GRIP1: variants seen among roughly 807,000 people sequenced by gnomAD.
GRIP1 encodes the protein glutamate receptor-interacting protein 1.
Under a neutral mutation model 129.9 loss-of-function variants are expected in GRIP1, and 45 were observed. That is an observed-to-expected ratio of 0.35 (90% CI 0.27 to 0.44). The LOEUF is 0.44. GRIP1 is among the 20% of genes least tolerant of loss of function. GRIP1 has a pLI of 1.00. For synonymous variants in GRIP1, 530 were observed against 520.8 expected (o/e 1.02, Z -0.24); for missense variants, 1,196 against 1,396.8 (o/e 0.86, Z 2.29).
At chr12:66,632,123 A>G (rs1187576460) in intron 1 of GRIP1, among the ~76,000 whole-genome samples, 1 of 152,176 alleles carries the variant, frequency 6.6e-6, no homozygotes, top group African/African-American at 2.4e-5. Context: ...CAGCAAGTCA[A>G]GAGTGGCCCC....
At chr12:66,834,619 C>T (rs150522386) in intron 1 of GRIP1, among the ~76,000 whole-genome samples, 113 of 152,252 alleles carry the variant, frequency 7.4e-4, no homozygotes, top group African/African-American at 2.5e-3. Context: ...CTGCTTCAAA[C>T]GTACTTTAAA....
At chr12:66,736,009 A>G (rs2036583768) in intron 1 of GRIP1, among the ~76,000 whole-genome samples, 1 of 152,158 alleles carries the variant, frequency 6.6e-6, no homozygotes, top group Admixed American at 6.5e-5. Context: ...GAAGAAGAGA[A>G]GGTGAACATA....
intron 1 of GRIP1, among the ~76,000 whole-genome samples, chr12:66,605,610 C>A (rs539184958): frequency 5.9e-5 from 9 of 152,198 alleles, no homozygotes; most frequent in African/African-American, 2.2e-4. Context: ...GAGAAATTAG[C>A]CTTTAATGCT....
chr12:66,696,496 T>C (rs893023473), intron 1 of GRIP1, among the ~76,000 whole-genome samples: 3 of 151,864 alleles, frequency 2.0e-5, no homozygotes, highest in Non-Finnish European at 4.4e-5. Flanking sequence ...TTAAAAAGAA[T>C]TATGGTTAGG....
chr12:66,445,282 C>A, intron 12 of GRIP1, 40 bp downstream of exon 12: 1 of 1,533,796 alleles, frequency 6.5e-7, no homozygotes, highest in Non-Finnish European at 9.0e-7. Context: ...GTACCAGAAA[C>A]GCAGAGCAGA....
At chr12:66,738,351 C>G (rs1196127790) in intron 1 of GRIP1, among the ~76,000 whole-genome samples, 4 of 151,896 alleles carry the variant, frequency 2.6e-5, no homozygotes, top group Non-Finnish European at 4.4e-5. Flanking sequence ...TCCCAAGTAG[C>G]TGGGACCACA....
chr12:66,511,731 A>G (rs1301675397), intron 7 of GRIP1, among the ~76,000 whole-genome samples: 3 of 152,202 alleles, frequency 2.0e-5, no homozygotes, highest in Non-Finnish European at 2.9e-5. Flanking sequence ...CCATCTTGCC[A>G]TGACATAGGA....
intron 1 of GRIP1, among the ~76,000 whole-genome samples, chr12:66,651,692 G>T (rs1904540): frequency 0.98 from 149,570 of 152,268 alleles, 73,518 homozygotes; most frequent in East Asian, 1. Flanking sequence ...TAAGTAGAAT[G>T]TGACAATACT....
At chr12:66,744,744 C>T (rs934013477) in intron 1 of GRIP1, among the ~76,000 whole-genome samples, 3 of 152,106 alleles carry the variant, frequency 2.0e-5, no homozygotes, top group South Asian at 2.1e-4. Flanking sequence ...AACCCAGTGC[C>T]GCCCAGCCTT....
chr12:66,616,267 A>G (rs533871757), intron 1 of GRIP1, among the ~76,000 whole-genome samples: 1 of 152,172 alleles, frequency 6.6e-6, no homozygotes, highest in South Asian at 2.1e-4. Context: ...TTTTTTAAAT[A>G]AAAAAATACT....
At chr12:66,653,103 C>T (rs1258950036) in intron 1 of GRIP1, among the ~76,000 whole-genome samples, 1 of 152,138 alleles carries the variant, frequency 6.6e-6, no homozygotes, top group South Asian at 2.1e-4. Context: ...GGCTTTGTTG[C>T]TCTTGGTAAG....
intron 1 of GRIP1, among the ~76,000 whole-genome samples, chr12:67,045,917 G>A (rs1207514939): frequency 6.6e-6 from 1 of 152,208 alleles, no homozygotes; most frequent in African/African-American, 2.4e-5. Flanking sequence ...CACTGGCTGG[G>A]CCTGAGAAGG....
rs529858981 is a variant in GRIP1, at chr12:66,469,689, AG to A, written c.725-4268del. Among the ~76,000 whole-genome samples, 10 of 152,340 alleles carry A rather than the reference AG, an allele frequency of 6.6e-5. No individual in the cohort carries two copies. In the East Asian group the frequency reaches 1.9e-3, roughly 29 times the overall value. On this transcript the variant is annotated intron_variant, in intron 7 of 24. Coordinates refer to ENST00000359742, the MANE Select transcript of GRIP1 (RefSeq NM_001366722.1). ...GATGTTTATCTCATGAAAGACAATC[AG>A]GGCTTATTGACAACAGTCTACAGAA...
At chr12:66,567,062 T>C (rs1453152948) in intron 2 of GRIP1, among the ~76,000 whole-genome samples, 1 of 152,188 alleles carries the variant, frequency 6.6e-6, no homozygotes, top group Non-Finnish European at 1.5e-5. Flanking sequence ...TTGTTGATCT[T>C]TTCAAAAAAC....
At chr12:66,416,409 C>T (rs1056448873) in intron 15 of GRIP1, among the ~76,000 whole-genome samples, 2 of 151,854 alleles carry the variant, frequency 1.3e-5, no homozygotes, top group Admixed American at 6.6e-5. Flanking sequence ...TAATAAAGAT[C>T]AGAGCAAAAA....
At chr12:66,950,590 C>T (rs1008438610) in intron 1 of GRIP1, among the ~76,000 whole-genome samples, 2 of 151,856 alleles carry the variant, frequency 1.3e-5, no homozygotes, top group African/African-American at 4.8e-5. Flanking sequence ...TAGAAAAGAT[C>T]AGAAGATGAC....
intron 1 of GRIP1, among the ~76,000 whole-genome samples, chr12:66,947,388 G>A (rs1434314842): frequency 2.6e-5 from 4 of 152,274 alleles, no homozygotes; most frequent in Middle Eastern, 3.4e-3. Context: ...CAGCCCTTAC[G>A]TTGTAAATGT....
intron 1 of GRIP1, among the ~76,000 whole-genome samples, chr12:66,870,853 G>T (rs1036603429): frequency 6.6e-6 from 1 of 152,044 alleles, no homozygotes; most frequent in African/African-American, 2.4e-5. Context: ...ATGCCAATTT[G>T]GTCTCCCTGC....
intron 1 of GRIP1, among the ~76,000 whole-genome samples, chr12:66,618,051 A>G (rs2065119889): frequency 6.6e-6 from 1 of 152,160 alleles, no homozygotes; most frequent in South Asian, 2.1e-4. Context: ...CATGTACATA[A>G]TAAATATATT....
Sources: gnomAD v4.1 joint callset for allele counts (sites outside exome capture counted in the v4.1 genomes callset) on GRCh38, gnomAD v4.1.1 for gene constraint, MANE v1.5 for transcripts, NCBI Gene and HGNC (gene_info 2026-07-23, HGNC 2026-07-21) for gene names.